Variants in MED12 observed in about 807,000 individuals in gnomAD.
MED12 encodes the protein mediator of RNA polymerase II transcription subunit 12.
Under a neutral mutation model 177.7 loss-of-function variants are expected in MED12, and 10 were observed. That is an observed-to-expected ratio of 0.06 (90% CI 0.03 to 0.10). MED12 has a LOEUF of 0.10. MED12 is among the 10% of genes least tolerant of loss of function. MED12 has a pLI of 1.00. For missense variants in MED12, 867 were observed against 1,780.8 expected (o/e 0.49, Z 9.23); for synonymous variants, 641 against 678.4 (o/e 0.94, Z 0.86).
chrX:71,127,150 A>G lies in MED12; in HGVS notation c.2849+18A>G. On this transcript the variant is annotated intron_variant, in intron 20 of 44. Transcript: ENST00000374080. ...TTTGAGGGGTAAGCAGAGCTTCGGA[A>G]TAACTGAAACAAAGCTCTGGCGAAT... The G allele has an allele frequency of 3.3e-6, 4 of 1,202,775 alleles. No individual in the cohort carries two copies. The highest frequency in any genetic ancestry group is 4.5e-6 in the Non-Finnish European group (4 of 890,880).
intron 38 of MED12, 52 bp downstream of exon 38, chrX:71,137,081 T>G: frequency 8.4e-7 from 1 of 1,185,827 alleles, no homozygotes; most frequent in Middle Eastern, 2.3e-4. Context: ...ACACTCCCCC[T>G]GCCCAAAGGA....
chrX:71,128,550 A>G (rs2092308911), intron 23 of MED12, 48 bp from the exon 24 acceptor site: 7 of 1,207,156 alleles, frequency 5.8e-6, no homozygotes, highest in Middle Eastern at 4.9e-4. Context: ...CACCGCTTTG[A>G]GTGGGCCTCC....
rs750490716 is a variant in MED12, at chrX:71,123,282, G to C, written c.1617+56G>C. The C allele has an allele frequency of 5.7e-5, 67 of 1,180,801 alleles. No individual in the cohort carries two copies. The Admixed American group carries it at 9.2e-4, about 16-fold the overall frequency. ...GGCCAATGGGAAGGAATTTACTGCG[G>C]TTGGAGACCGAGAGATGGAGGTGGT... On this transcript the variant is annotated intron_variant, in intron 11 of 44. Transcript: ENST00000374080.
chrX:71,125,762 C>A, intron 17 of MED12, 49 bp downstream of exon 17: 1 of 1,067,877 alleles, frequency 9.4e-7, no homozygotes, highest in Non-Finnish European at 1.3e-6. Flanking sequence ...TCCCTTCCCT[C>A]CCTGAACCTA....
intron 17 of MED12, 150 bp from the exon 18 acceptor site, chrX:71,125,886 C>A: frequency 1.7e-6 from 1 of 585,080 alleles, no homozygotes; most frequent in Non-Finnish European, 2.9e-6. Context: ...ACCCTCCCTT[C>A]CCTGTTTCCC....
intron 42 of MED12, 140 bp downstream of exon 42, chrX:71,140,997 A>G (rs1334660782): frequency 1.8e-6 from 2 of 1,127,540 alleles, no homozygotes; most frequent in African/African-American, 1.8e-5. Context: ...GTGGTGCTGG[A>G]GAAGTTTTCT....
Position 71,136,636 on chromosome X carries a change from A to G in MED12, c.5381A>G (p.Gln1794Arg). The G allele has an allele frequency of 5.0e-6, 6 of 1,208,924 alleles. No homozygotes were observed. Among genetic ancestry groups the G allele is most frequent in the Non-Finnish European group, 6.7e-6 (6 of 894,874 alleles). ...TCCACCAAGGGCAAGAAACGCAGCC[A>G]GCCAGCTACCAAGACAGAGGTGAGC... ...KKSTKGKKRS[Q>R]PATKTEDYGM... Residue 1794 changes from glutamine (Q) to arginine (R), a missense_variant, in exon 37 of 45, where the codon CAG (glutamine) becomes CGG (arginine). By Grantham distance (43) the Gln-to-Arg change is conservative (BLOSUM62 1). Around this residue, in one of 14 missense-constraint regions of MED12, gnomAD observed 236 missense variants for 345.2 expected, o/e 0.68. Transcript: ENST00000374080.
Position 71,121,705 on chromosome X carries a change from C to T in MED12, c.990C>T (p.Thr330=). The change falls in exon 7 of 45, where the codon ACC becomes ACT. Residue 330 remains threonine (T), a synonymous_variant. Transcript: ENST00000374080. ...CTCAGTCAACAAGCACGCTACCCACCACCCCTGCTCCTCAGCCCCCAACTA... is the reference window on the plus strand; with the variant it reads ...CTCAGTCAACAAGCACGCTACCCACTACCCCTGCTCCTCAGCCCCCAACTA... ...ISAQSTSTLP[T]TPAPQPPTSS... 1 of 1,211,422 alleles carries T rather than the reference C, an allele frequency of 8.3e-7. No homozygotes were observed. The highest frequency in any genetic ancestry group is 1.8e-5 in the South Asian group (1 of 56,974).
In MED12 at chrX:71,132,088, T is replaced by C; in HGVS notation, c.4135T>C (p.Leu1379=). The stretch of plus-strand genomic sequence containing the variant: ...TCCTCCCCAGGAGATGAACTCCCTC[T>C]TGGAGAACATCGCCAAGGCCACAAT... ...QTPNNEMNSL[L]ENIAKATIEV... The change falls in exon 30 of 45, where the codon TTG becomes CTG. Residue 1379 remains leucine (L), a synonymous_variant. Transcript: ENST00000374080. 8.3e-7 allele frequency: 1 copy of C among 1,210,788 alleles called. No homozygotes were observed.
chrX:71,137,513 A>C, intron 39 of MED12, 45 bp from the exon 40 acceptor site: 1 of 1,173,100 alleles, frequency 8.5e-7, no homozygotes, highest in Non-Finnish European at 1.2e-6. Context: ...ATGAGATGGC[A>C]GCAAGCATTT....
intron 25 of MED12, 49 bp from the exon 26 acceptor site, chrX:71,129,267 C>A (rs2092310784): frequency 1.7e-6 from 2 of 1,163,090 alleles, no homozygotes; most frequent in African/African-American, 1.8e-5. Flanking sequence ...GGTTCCCCTG[C>A]CTCCGTGGAT....
At position 71,128,443 on chromosome X, in the gene MED12, G is replaced by A. The variant is rs745926651; in HGVS notation, c.3354+3G>A. 8.3e-7 allele frequency: 1 copy of A among 1,209,005 alleles called. No individual in the cohort carries two copies. Among genetic ancestry groups the A allele is most frequent in the African/African-American group, 1.8e-5 (1 of 56,713 alleles). On this transcript the variant is annotated splice_donor_region_variant and intron_variant, in intron 23 of 44. Coordinates refer to ENST00000374080, the MANE Select transcript of MED12 (RefSeq NM_005120.3). ...ACGATCTCCTCTGCAATGTTGATGT[G>A]AGACTTGGGGTGGGGTTTTGCTAGT...
chrX:71,127,548 T>C (rs765639312), intron 21 of MED12, 81 bp downstream of exon 21: 2 of 924,938 alleles, frequency 2.2e-6, no homozygotes, highest in Admixed American at 4.4e-5. Flanking sequence ...GAGGAGAGGA[T>C]GGCCCGGGAC....
chrX:71,137,069 G>A (rs748448136), intron 38 of MED12, 40 bp downstream of exon 38: 16 of 1,184,950 alleles, frequency 1.4e-5, no homozygotes, highest in Non-Finnish European at 1.7e-5. Flanking sequence ...GGACCTACCT[G>A]TACACTCCCC....
intron 17 of MED12, 78 bp from the exon 18 acceptor site, chrX:71,125,958 C>G: frequency 7.4e-6 from 3 of 406,500 alleles, no homozygotes; most frequent in Middle Eastern, 4.6e-4. Flanking sequence ...ATAGCCTTCT[C>G]TCCATACCCC....
chrX:71,138,441 C>G (rs1033370193), intron 41 of MED12, among the ~76,000 whole-genome samples: 1 of 111,003 alleles, frequency 9.0e-6, no homozygotes, highest in African/African-American at 3.3e-5. Flanking sequence ...ATCCTCCTAC[C>G]TCAGCCTCCC....
Position 71,128,139 on chromosome X carries a change from G to T in MED12, c.3209+19G>T. On this transcript the variant is annotated intron_variant, in intron 22 of 44. Transcript: ENST00000374080. ...CCGATAGGTATGGGGTGTACTGAGT[G>T]AGGAAGGGCACCATGCCCCCATCTG... The T allele has an allele frequency of 8.4e-7, 1 of 1,195,069 alleles. No individual in the cohort carries two copies.
In MED12 at chrX:71,134,843, T is replaced by C. The variant is rs1569482157; in HGVS notation, c.4858T>C (p.Leu1620=). The part of the protein sequence containing the change: ...KRAYMNLAKK[L]QKELGERQSD... ...TGCATACATGAACCTGGCGAAGAAG[T>C]TGCAGGTAAGCAGAGGAAGCGGGGG... The change falls in exon 35 of 45, where the codon TTG becomes CTG. Residue 1620 remains leucine (L), a synonymous_variant. Transcript: ENST00000374080. 1 of 1,211,284 alleles carries C rather than the reference T, an allele frequency of 8.3e-7. No individual in the cohort carries two copies. Among genetic ancestry groups the C allele is most frequent in the Non-Finnish European group, 1.1e-6 (1 of 895,440 alleles).
intron 13 of MED12, 40 bp downstream of exon 13, chrX:71,124,428 C>A: frequency 9.5e-7 from 1 of 1,051,708 alleles, no homozygotes; most frequent in Non-Finnish European, 1.3e-6. Context: ...TTTCTTCTGA[C>A]ATTTCCATCT....
Sources: allele counts gnomAD v4.1 joint callset (sites outside exome capture counted in the v4.1 genomes callset), GRCh38; gene constraint gnomAD v4.1.1; regional missense constraint gnomAD v4.1.1; transcripts MANE v1.5; gene names NCBI Gene and HGNC (gene_info 2026-07-23, HGNC 2026-07-21).